The following FLNB variants were observed in gnomAD, a reference collection of about 807,000 sequenced individuals.
The protein encoded by FLNB is filamin B, also known as filamin-B.
FLNB carries 111 observed loss-of-function variants against 250.6 expected under a neutral mutation model. The ratio of observed to expected loss-of-function variants is 0.44; its 90% CI spans 0.38 to 0.52. FLNB has a LOEUF of 0.52. Ranked by LOEUF, FLNB falls within the 20% of genes least tolerant of loss-of-function variation. The probability of loss-of-function intolerance (pLI) is 0.00; values close to 1 mark genes in which losing one functional copy is unlikely to be tolerated. For synonymous variants in FLNB, 1,302 were observed against 1,372.1 expected, an observed-to-expected ratio of 0.95 and a Z score of 1.13; for missense variants, 2,869 against 3,447.8, an observed-to-expected ratio of 0.83 and a Z score of 4.20.
At chr3:58,038,694 C>G (rs1350640757) in intron 1 of FLNB, among the ~76,000 whole-genome samples, 1 of 151,778 alleles carries the variant, frequency 6.6e-6, no homozygotes, top group Admixed American at 6.6e-5. Flanking sequence ...TCCCAAAGCT[C>G]TGGGATTACA....
At chr3:58,090,799 C>T (rs866129972) in intron 4 of FLNB, among the ~76,000 whole-genome samples, 4 of 152,010 alleles carry the variant, frequency 2.6e-5, no homozygotes, top group Admixed American at 6.6e-5. Context: ...CAGCCTGGCT[C>T]GGTGGCTCAC....
At chr3:58,051,233 C>CT in intron 1 of FLNB, among the ~76,000 whole-genome samples, 1 of 152,328 alleles carries the variant, frequency 6.6e-6, no homozygotes, top group Non-Finnish European at 1.5e-5. Flanking sequence ...AGTGGCTATT[C>CT]TCTTTTACAG....
Position 58,117,555 on chromosome 3 carries a change from G to A in FLNB, c.2746-1317G>A, listed in dbSNP as rs115105862. Among the ~76,000 whole-genome samples the A allele has an allele frequency of 4.2e-3, 638 of 152,256 alleles. 12 individuals are homozygous for A. Among genetic ancestry groups the A allele is most frequent in the African/African-American group, 0.015 (608 of 41,536 alleles). ...AGGGGCTGTGGGGAAACGGAAGCTCGGGAAGAGTTGGCACGTTGGGAATGC... is the reference window on the plus strand; with the variant it reads ...AGGGGCTGTGGGGAAACGGAAGCTCAGGAAGAGTTGGCACGTTGGGAATGC... On this transcript the variant is annotated intron_variant, in intron 18 of 45. Coordinates refer to ENST00000295956, the MANE Select transcript of FLNB (RefSeq NM_001457.4).
chr3:58,106,470 GAA>G (rs200542539), intron 11 of FLNB, among the ~76,000 whole-genome samples: 14 of 131,866 alleles, frequency 1.1e-4, no homozygotes, highest in Admixed American at 2.3e-4. Flanking sequence ...GCCTACATTT[GAA>G]AAAAAAAAAA....
At chr3:58,040,369 A>C (rs1194549552) in intron 1 of FLNB, among the ~76,000 whole-genome samples, 1 of 152,108 alleles carries the variant, frequency 6.6e-6, no homozygotes, top group Non-Finnish European at 1.5e-5. Context: ...AGCTGTTTGC[A>C]TCTTACTCTT....
At chr3:58,152,185 G>T (rs1276462658) in intron 38 of FLNB, among the ~76,000 whole-genome samples, 3 of 152,052 alleles carry the variant, frequency 2.0e-5, no homozygotes, top group Non-Finnish European at 2.9e-5. Context: ...TCTGGGTGAG[G>T]CTCGATTTTC....
intron 1 of FLNB, among the ~76,000 whole-genome samples, chr3:58,016,644 G>A (rs1029968011): frequency 2.0e-4 from 30 of 152,102 alleles, no homozygotes; most frequent in African/African-American, 6.5e-4. Context: ...CCTTGGGGTG[G>A]ACATACCTCT....
intron 27 of FLNB, 33 bp downstream of exon 27, chr3:58,134,805 A>C (rs757493375): frequency 6.2e-7 from 1 of 1,600,992 alleles, no homozygotes; most frequent in Non-Finnish European, 8.6e-7. Context: ...GCCAAACCTT[A>C]ATCCTAAGAC....
chr3:58,113,691 T>C (rs187454062), intron 18 of FLNB, among the ~76,000 whole-genome samples: 1 of 152,228 alleles, frequency 6.6e-6, no homozygotes, highest in Admixed American at 6.5e-5. Context: ...TATTTATTTA[T>C]TTTTTAGACA....
rs2097381307 is a variant in FLNB, at chr3:58,170,723, A to G, written c.7770A>G (p.Glu2590=). 6.8e-6 allele frequency: 11 copies of G among 1,614,168 alleles called. No homozygotes were observed. The highest frequency in any genetic ancestry group is 1.7e-4 in the Middle Eastern group (1 of 6,060). ...DYVLAVKWGE[E]HIPGSPFHVT... is the part of the protein sequence containing the mutation. ...TGCTGGCTGTGAAGTGGGGGGAGGAACACATCCCTGGCAGCCCTTTTCATG... is the reference window on the plus strand; with the variant it reads ...TGCTGGCTGTGAAGTGGGGGGAGGAGCACATCCCTGGCAGCCCTTTTCATG... Residue 2590 remains glutamate, a synonymous_variant, in exon 46 of 46, where the codon GAA becomes GAG. Transcript: ENST00000295956.
intron 4 of FLNB, among the ~76,000 whole-genome samples, chr3:58,084,927 A>G (rs759165593): frequency 6.6e-6 from 1 of 152,174 alleles, no homozygotes; most frequent in Non-Finnish European, 1.5e-5. Context: ...AAGTAGAATC[A>G]TATGCTGTCT....
At chr3:58,131,119 T>C (rs772403095) in intron 25 of FLNB, among the ~76,000 whole-genome samples, 10 of 152,208 alleles carry the variant, frequency 6.6e-5, no homozygotes, top group Non-Finnish European at 1.2e-4. Flanking sequence ...CCCCATTTAA[T>C]AATATGGCTA....
In FLNB at chr3:58,042,719, A is replaced by G. The variant is rs1224130482; in HGVS notation, c.292+33863A>G. Among the ~76,000 whole-genome samples, 4 of 151,964 alleles carry G rather than the reference A, an allele frequency of 2.6e-5. No individual in the cohort carries two copies. The East Asian group carries it at 7.8e-4, about 29-fold the overall frequency. On this transcript the variant is annotated intron_variant, in intron 1 of 45. Transcript: ENST00000295956. ...TTTCTTGTAGAGGCGGGGTTTTGCC[A>G]TGTTGCCCAGGCTGGTCTCGAACTC...
chr3:58,112,031 G>C, intron 17 of FLNB, 118 bp from the exon 18 acceptor site: 1 of 1,199,144 alleles, frequency 8.3e-7, no homozygotes, highest in Non-Finnish European at 1.2e-6. Context: ...GCAGTGGCTG[G>C]CCAGGCCCGT....
chr3:58,048,303 AGT>A (rs1200072489), intron 1 of FLNB, among the ~76,000 whole-genome samples: 13 of 152,110 alleles, frequency 8.5e-5, no homozygotes, highest in Admixed American at 8.5e-4. Context: ...GTGTTTCTCA[AGT>A]GTGCTTGGGA....
At chr3:58,049,707 C>G (rs541451352) in intron 1 of FLNB, among the ~76,000 whole-genome samples, 1 of 152,298 alleles carries the variant, frequency 6.6e-6, no homozygotes, top group South Asian at 2.1e-4. Flanking sequence ...TGTGATTACA[C>G]TGTTGGCCCA....
chr3:58,106,099 A>T (rs2097259088), intron 11 of FLNB, among the ~76,000 whole-genome samples: 1 of 152,094 alleles, frequency 6.6e-6, no homozygotes, highest in Non-Finnish European at 1.5e-5. Context: ...CATAGCTTCC[A>T]TGGAATTCCA....
intron 1 of FLNB, among the ~76,000 whole-genome samples, chr3:58,019,157 G>C (rs2097110157): frequency 6.6e-6 from 1 of 151,956 alleles, no homozygotes; most frequent in Non-Finnish European, 1.5e-5. Context: ...AATTGCTATT[G>C]TCACAATTAG....
chr3:58,027,518 T>C (rs1294551128), intron 1 of FLNB, among the ~76,000 whole-genome samples: 1 of 151,936 alleles, frequency 6.6e-6, no homozygotes, highest in Non-Finnish European at 1.5e-5. Flanking sequence ...CTGGCCTCAA[T>C]TGATCTGCCC....
Sources: gnomAD v4.1 joint callset for allele counts (sites outside exome capture counted in the v4.1 genomes callset) on GRCh38, gnomAD v4.1.1 for gene constraint, MANE v1.5 for transcripts, NCBI Gene and HGNC (gene_info 2026-07-23, HGNC 2026-07-21) for gene names.